Variants in SENP6 observed in about 807,000 individuals in gnomAD.
The protein encoded by SENP6 is SUMO specific peptidase 6.
Under a neutral mutation model 134.5 loss-of-function variants are expected in SENP6, and 41 were observed. The observed-to-expected ratio is 0.30, with a 90% CI of 0.24 to 0.40. The LOEUF (loss-of-function observed/expected upper bound fraction) is 0.40, where lower values mean the gene tolerates loss of function less well. SENP6 is among the 10% of genes least tolerant of loss of function. The probability of loss-of-function intolerance (pLI) is 1.00; values close to 1 mark genes in which losing one functional copy is unlikely to be tolerated. For missense variants in SENP6, 1,248 were observed against 1,312.5 expected (o/e 0.95, Z 0.76); for synonymous variants, 395 against 429.8 (o/e 0.92, Z 1.00).
intron 11 of SENP6, among the ~76,000 whole-genome samples, chr6:75,672,994 A>AT (rs1772799745): frequency 6.6e-6 from 1 of 151,828 alleles, no homozygotes; most frequent in Non-Finnish European, 1.5e-5. Context: ...CGTCCAGCTA[A>AT]TTTTTTGTAT....
chr6:75,626,545 A>G (rs1768711599), intron 3 of SENP6, among the ~76,000 whole-genome samples: 1 of 152,138 alleles, frequency 6.6e-6, no homozygotes, highest in Non-Finnish European at 1.5e-5. Context: ...CTACTGATGA[A>G]TAGAGATTTT....
chr6:75,627,963 C>T (rs1245622021), intron 3 of SENP6, among the ~76,000 whole-genome samples: 4 of 152,158 alleles, frequency 2.6e-5, no homozygotes, highest in East Asian at 1.9e-4. Flanking sequence ...TGAGCCACCA[C>T]GCCTGGCCTG....
intron 5 of SENP6, among the ~76,000 whole-genome samples, chr6:75,640,191 G>A (rs1401907886): frequency 2.0e-5 from 3 of 152,114 alleles, no homozygotes; most frequent in African/African-American, 4.8e-5. Flanking sequence ...ATAAAACCAG[G>A]TGTAGTATAC....
intron 1 of SENP6, among the ~76,000 whole-genome samples, chr6:75,603,798 C>G (rs1275270097): frequency 6.6e-6 from 1 of 151,934 alleles, no homozygotes; most frequent in Non-Finnish European, 1.5e-5. Flanking sequence ...ATTCTTCTTA[C>G]TTGAGTATAG....
intron 5 of SENP6, among the ~76,000 whole-genome samples, chr6:75,638,245 T>G (rs1582731656): frequency 1.3e-5 from 1 of 74,732 alleles, no homozygotes; most frequent in African/African-American, 8.0e-5. Flanking sequence ...TTCTTTTGTT[T>G]TTTTTTTTTT....
chr6:75,605,872 TGTA>T (rs1031291151), intron 1 of SENP6, among the ~76,000 whole-genome samples: 2 of 152,142 alleles, frequency 1.3e-5, no homozygotes, highest in Middle Eastern at 3.2e-3. Context: ...AGGATAATAT[TGTA>T]GTAGTCAAGG....
At chr6:75,703,811 TC>T (rs1775207656) in intron 19 of SENP6, among the ~76,000 whole-genome samples, 1 of 151,980 alleles carries the variant, frequency 6.6e-6, no homozygotes, top group Non-Finnish European at 1.5e-5. Context: ...CAAAAAAAAA[TC>T]CCATTGTGCC....
chr6:75,702,870 T>C lies in SENP6; in HGVS notation c.2514T>C (p.Asp838=), dbSNP rs1459154917. The C allele has an allele frequency of 6.2e-7, 1 of 1,614,120 alleles. No individual in the cohort carries two copies. Among genetic ancestry groups the C allele is most frequent in the Non-Finnish European group, 8.5e-7 (1 of 1,180,008 alleles). The change falls in exon 19 of 24, where the codon GAT becomes GAC. Residue 838 remains aspartate, a synonymous_variant. Coordinates refer to ENST00000447266, the MANE Select transcript of SENP6 (RefSeq NM_015571.4). ...LNKKHCIAVI[D]SNPGQEESDP... The stretch of plus-strand genomic sequence containing the variant: ...AAAAACATTGCATAGCTGTAATTGA[T>C]TCCAATCCTGGGCAGGAAGAAAGTG...
intron 5 of SENP6, among the ~76,000 whole-genome samples, chr6:75,639,918 C>G (rs1019023046): frequency 6.6e-6 from 1 of 152,110 alleles, no homozygotes; most frequent in Non-Finnish European, 1.5e-5. Flanking sequence ...CTAGGAAATG[C>G]TATTGTTTCT....
At chr6:75,713,944 A>T in intron 23 of SENP6, 119 bp downstream of exon 23, 1 of 809,534 alleles carries the variant, frequency 1.2e-6, no homozygotes, top group Non-Finnish European at 1.8e-6. Context: ...TTGTTTCAAA[A>T]ATTATTCCAT....
rs1429613694 is a variant in SENP6, at chr6:75,717,512, A to AT, written c.*1923dup. The AT allele has an allele frequency of 6.6e-6, 1 of 152,186 alleles. No homozygotes were observed. The highest frequency in any genetic ancestry group is 2.4e-5 in the African/African-American group (1 of 41,562). 9.4% of individuals were successfully genotyped at this position (152,186 alleles called of 1,614,324 possible). A position where few individuals can be genotyped will look rare whatever the true frequency, so the allele number is the denominator to read the frequency against. On this transcript the variant is annotated 3_prime_UTR_variant, in exon 24 of 24. Transcript: ENST00000447266. ...GTAGAATACTCAGCTATTTGATGGC[A>AT]TTTTTCCCACCCCATGTGAAATTTT...
chr6:75,647,033 C>T (rs1356681154), intron 6 of SENP6, among the ~76,000 whole-genome samples: 1 of 152,050 alleles, frequency 6.6e-6, no homozygotes, highest in Non-Finnish European at 1.5e-5. Flanking sequence ...ATTTACATTA[C>T]TAGATCACCA....
intron 1 of SENP6, among the ~76,000 whole-genome samples, chr6:75,616,384 T>C (rs1767845875): frequency 6.6e-6 from 1 of 152,204 alleles, no homozygotes; most frequent in Non-Finnish European, 1.5e-5. Context: ...ATTTTTTCTC[T>C]CACTGGAAAT....
At chr6:75,622,773 A>G (rs1377716152) in intron 2 of SENP6, 8 of 1,288,674 alleles carry the variant, frequency 6.2e-6, no homozygotes, top group East Asian at 1.1e-4. Context: ...TGTCTGGGCA[A>G]CAGCTCCGTT....
intron 8 of SENP6, among the ~76,000 whole-genome samples, chr6:75,661,946 G>A (rs766716997): frequency 2.0e-5 from 3 of 152,150 alleles, no homozygotes; most frequent in Non-Finnish European, 1.5e-5. Flanking sequence ...CAGCTACTTG[G>A]GAGGCCGAGG....
intron 6 of SENP6, chr6:75,644,069 T>C (rs906057112): frequency 6.6e-6 from 1 of 152,012 alleles, no homozygotes; most frequent in Non-Finnish European, 1.5e-5. Context: ...CTAGAAAATG[T>C]TCAAAAAATT....
At chr6:75,635,995 T>G (rs1389839908) in intron 5 of SENP6, among the ~76,000 whole-genome samples, 1 of 152,162 alleles carries the variant, frequency 6.6e-6, no homozygotes, top group Non-Finnish European at 1.5e-5. Context: ...TCTGTTAGTT[T>G]GGAATTACTA....
chr6:75,667,591 A>G (rs533732872), intron 10 of SENP6, among the ~76,000 whole-genome samples: 11 of 152,356 alleles, frequency 7.2e-5, no homozygotes, highest in African/African-American at 2.6e-4. Context: ...GCTGTTGTCA[A>G]GAATCCAAGG....
intron 3 of SENP6, among the ~76,000 whole-genome samples, chr6:75,628,175 C>G (rs1402338795): frequency 6.6e-6 from 1 of 151,976 alleles, no homozygotes; most frequent in African/African-American, 2.4e-5. Context: ...TATATTGTGC[C>G]TTTTCCGTCT....
Sources: allele counts gnomAD v4.1 joint callset (sites outside exome capture counted in the v4.1 genomes callset), GRCh38; gene constraint gnomAD v4.1.1; transcripts MANE v1.5; gene names NCBI Gene and HGNC (gene_info 2026-07-23, HGNC 2026-07-21).